Variants in TNKS observed in about 807,000 individuals in gnomAD.
TNKS encodes the protein poly [ADP-ribose] polymerase tankyrase-1.
TNKS carries 72 observed loss-of-function variants against 135.8 expected under a neutral mutation model. The ratio of observed to expected loss-of-function variants is 0.53; its 90% CI spans 0.44 to 0.64. The LOEUF is 0.64. TNKS is among the 30% of genes least tolerant of loss of function. The probability of loss-of-function intolerance (pLI) is 0.00; values close to 1 mark genes in which losing one functional copy is unlikely to be tolerated. For synonymous variants in TNKS, 849 were observed against 649.3 expected (o/e 1.31, Z -4.68); for missense variants, 1,769 against 1,674.0 (o/e 1.06, Z -0.99).
rs1325804433 is a variant in TNKS, at chr8:9,723,131, A to G, written c.1921+2586A>G. ...GCTAATACAAATAAAAAATATATAT[A>G]GGAAAATTTTGCCCTCCAAAAGGTT... On this transcript the variant is annotated intron_variant, in intron 12 of 26. Coordinates refer to ENST00000310430, the MANE Select transcript of TNKS (RefSeq NM_003747.3). Among the ~76,000 whole-genome samples, 9 of 147,208 alleles carry G rather than the reference A, an allele frequency of 6.1e-5. No homozygotes were observed. In the Admixed American group the frequency reaches 6.4e-4, roughly 10 times the overall value.
At chr8:9,576,674 C>T (rs1797960932) in intron 1 of TNKS, among the ~76,000 whole-genome samples, 1 of 151,988 alleles carries the variant, frequency 6.6e-6, no homozygotes, top group Non-Finnish European at 1.5e-5. Flanking sequence ...CAATCACTTC[C>T]CACCAGGCCC....
chr8:9,643,809 A>G (rs780586580), intron 3 of TNKS, among the ~76,000 whole-genome samples: 1 of 152,292 alleles, frequency 6.6e-6, no homozygotes, highest in East Asian at 1.9e-4. Context: ...GCTTGAAGTG[A>G]TATTTGTACA....
chr8:9,616,561 G>C (rs1053397153), intron 3 of TNKS, among the ~76,000 whole-genome samples: 1 of 152,158 alleles, frequency 6.6e-6, no homozygotes, highest in African/African-American at 2.4e-5. Flanking sequence ...TCTTGTTTAA[G>C]TTTAGAGTCC....
At chr8:9,626,156 A>T (rs1400806708) in intron 3 of TNKS, among the ~76,000 whole-genome samples, 2 of 151,882 alleles carry the variant, frequency 1.3e-5, no homozygotes, top group African/African-American at 4.8e-5. Flanking sequence ...TTTTATAAAA[A>T]CTCTTTCATA....
Position 9,700,936 on chromosome 8 carries a change from C to CT in TNKS, c.1108-3712dup, listed in dbSNP as rs66830437. On this transcript the variant is annotated intron_variant, in intron 5 of 26. Coordinates refer to ENST00000310430, the MANE Select transcript of TNKS (RefSeq NM_003747.3). ...TTAAATTTTTCTTATGTTTTGCCCC[C>CT]TTTTTTTTTTTTTTTGAGACGGAGT... Among the ~76,000 whole-genome samples, 155 of 142,134 alleles carry CT rather than the reference C, an allele frequency of 1.1e-3. 2 individuals carry two copies. The highest frequency in any genetic ancestry group is 3.1e-3 in the African/African-American group (119 of 38,750). 93.2% of individuals were successfully genotyped at this position (142,134 alleles called of 152,430 possible).
intron 17 of TNKS, chr8:9,741,775 G>T (rs773254707): frequency 2.0e-5 from 10 of 493,720 alleles, no homozygotes; most frequent in South Asian, 7.4e-5. Context: ...GGTCGACCTT[G>T]TCTAACTTCA....
chr8:9,656,887 T>C (rs1801402431), intron 3 of TNKS, among the ~76,000 whole-genome samples: 1 of 130,718 alleles, frequency 7.7e-6, no homozygotes. Flanking sequence ...CCTTAATCCA[T>C]TTAACCCTGA....
intron 3 of TNKS, among the ~76,000 whole-genome samples, chr8:9,672,692 A>C (rs1451412623): frequency 8.1e-6 from 1 of 123,080 alleles, no homozygotes. Context: ...ACACACACAC[A>C]CACACACACA....
rs140108752 is a variant in TNKS, at chr8:9,607,659, T to G, written c.899-7923T>G. ...CGTTTCCTAAGTGAGGCCTAACTTG[T>G]TAACATGTTGTATTATACTATATAA... On this transcript the variant is annotated intron_variant, in intron 2 of 26. Coordinates refer to ENST00000310430, the MANE Select transcript of TNKS (RefSeq NM_003747.3). Among the ~76,000 whole-genome samples, 150 of 152,340 alleles carry G rather than the reference T, an allele frequency of 9.8e-4. 1 individual carries two copies. Among genetic ancestry groups the G allele is most frequent in the African/African-American group, 3.4e-3 (142 of 41,594 alleles).
chr8:9,706,520 G>A (rs944987131), intron 7 of TNKS, among the ~76,000 whole-genome samples: 7 of 152,088 alleles, frequency 4.6e-5, no homozygotes, highest in Admixed American at 2.6e-4. Context: ...GTGCCACCAC[G>A]CACAGCTAAT....
intron 5 of TNKS, among the ~76,000 whole-genome samples, chr8:9,698,711 T>C (rs902178658): frequency 9.9e-5 from 15 of 152,236 alleles, no homozygotes; most frequent in Admixed American, 8.5e-4. Flanking sequence ...AAAAGGCTTA[T>C]CAGTTGTCAC....
At chr8:9,741,468 C>T (rs1374042713) in intron 17 of TNKS, among the ~76,000 whole-genome samples, 2 of 152,088 alleles carry the variant, frequency 1.3e-5, no homozygotes, top group African/African-American at 4.8e-5. Flanking sequence ...GTCTTTATAG[C>T]AGTCACGGAG....
intron 2 of TNKS, among the ~76,000 whole-genome samples, chr8:9,595,507 A>T (rs757062332): frequency 1.3e-5 from 2 of 151,894 alleles, no homozygotes; most frequent in Admixed American, 6.6e-5. Flanking sequence ...TAAAATTGGG[A>T]CTGTTTTAAC....
intron 3 of TNKS, among the ~76,000 whole-genome samples, chr8:9,640,645 A>G (rs1161070321): frequency 6.9e-6 from 1 of 145,958 alleles, no homozygotes. Flanking sequence ...CAGGTTCATC[A>G]TTTTTATCAA....
chr8:9,740,681 CT>C (rs1219202773), intron 17 of TNKS, among the ~76,000 whole-genome samples: 4 of 152,080 alleles, frequency 2.6e-5, no homozygotes, highest in Admixed American at 2.0e-4. Flanking sequence ...GATGAGTAGT[CT>C]TTTATTAAAA....
chr8:9,706,131 A>G (rs1804032571), intron 6 of TNKS, 56 bp from the exon 7 acceptor site: 2 of 1,282,530 alleles, frequency 1.6e-6, no homozygotes, highest in Non-Finnish European at 2.2e-6. Context: ...TTAGTACGAC[A>G]TGGATAAATA....
chr8:9,575,491 GAAAAAT>G (rs925860395), intron 1 of TNKS: 13 of 926,020 alleles, frequency 1.4e-5, no homozygotes, highest in African/African-American at 5.4e-5. Flanking sequence ...AAAAGATAAG[GAAAAAT>G]AAAAATAAAA....
rs548560205 is a variant in TNKS, at chr8:9,572,231, A to G, written c.674-7928A>G. On this transcript the variant is annotated intron_variant, in intron 1 of 26. Transcript: ENST00000310430. Reference sequence around the variant, plus strand: ...CTTTTACATGGAAATAAAGTTAGCTATATATGAAATTAAGTATGAAAGTGT... The same window carrying G: ...CTTTTACATGGAAATAAAGTTAGCTGTATATGAAATTAAGTATGAAAGTGT... Among the ~76,000 whole-genome samples the G allele has an allele frequency of 2.0e-5, 3 of 152,328 alleles. No individual in the cohort carries two copies. The East Asian group carries it at 5.8e-4, about 29-fold the overall frequency.
intron 22 of TNKS, among the ~76,000 whole-genome samples, chr8:9,763,454 G>A (rs976865804): frequency 1.3e-5 from 2 of 152,002 alleles, no homozygotes; most frequent in Non-Finnish European, 2.9e-5. Context: ...AATGCATGGG[G>A]CCCATCTGTC....
Sources: allele counts gnomAD v4.1 joint callset (sites outside exome capture counted in the v4.1 genomes callset), GRCh38; gene constraint gnomAD v4.1.1; transcripts MANE v1.5; gene names NCBI Gene and HGNC (gene_info 2026-07-23, HGNC 2026-07-21).